The following USP47 variants were observed in gnomAD, a reference collection of about 807,000 sequenced individuals.
USP47 encodes ubiquitin specific peptidase 47.
USP47 carries 35 observed loss-of-function variants against 165.1 expected under a neutral mutation model. The observed-to-expected ratio is 0.21, with a 90% CI of 0.16 to 0.28. USP47 has a LOEUF of 0.28. Ranked by LOEUF, USP47 falls within the 10% of genes least tolerant of loss-of-function variation. The pLI, the probability that USP47 is intolerant of heterozygous loss-of-function variation, is 1.00. For missense variants in USP47, 1,277 were observed against 1,607.4 expected, an observed-to-expected ratio of 0.79 and a Z score of 3.52; for synonymous variants, 531 against 544.5, an observed-to-expected ratio of 0.98 and a Z score of 0.35.
chr11:11,870,386 T>C (rs1849959876), intron 1 of USP47, among the ~76,000 whole-genome samples: 1 of 152,230 alleles, frequency 6.6e-6, no homozygotes, highest in Non-Finnish European at 1.5e-5. Context: ...TGTCAAGTCT[T>C]TAATAAAAAC....
Position 11,956,182 on chromosome 11 carries a change from T to C in USP47, c.*7T>C. On this transcript the variant is annotated 3_prime_UTR_variant, in exon 28 of 28. Transcript: ENST00000527733. ...AGATCTGACTCAAGACTGACTCTGA[T>C]AGTGTAGCATTTTCCCTGGGGGAGT... 3.1e-6 allele frequency: 5 copies of C among 1,613,108 alleles called. No homozygotes were observed. Among genetic ancestry groups the C allele is most frequent in the Non-Finnish European group, 4.2e-6 (5 of 1,179,702 alleles).
At chr11:11,875,025 T>C (rs1850300558) in intron 1 of USP47, among the ~76,000 whole-genome samples, 2 of 144,576 alleles carry the variant, frequency 1.4e-5, no homozygotes, top group South Asian at 4.5e-4. Context: ...GGAGAGAAAA[T>C]TGACTTATTG....
At chr11:11,932,857 A>G (rs1011658244) in intron 14 of USP47, 147 bp from the exon 15 acceptor site, 1 of 606,240 alleles carries the variant, frequency 1.6e-6, no homozygotes, top group East Asian at 2.9e-5. Flanking sequence ...CGAAGCTTGT[A>G]TTCCAAGTTG....
intron 23 of USP47, 136 bp from the exon 24 acceptor site, chr11:11,950,228 C>T (rs1856126776): frequency 6.9e-6 from 5 of 724,178 alleles, no homozygotes; most frequent in Non-Finnish European, 8.7e-6. Flanking sequence ...TTCTTTATTT[C>T]CCCAGATTTT....
chr11:11,929,741 C>CTTTGT (rs1425039672), intron 12 of USP47, among the ~76,000 whole-genome samples, 176 bp downstream of exon 12: 1 of 152,022 alleles, frequency 6.6e-6, no homozygotes, highest in Non-Finnish European at 1.5e-5. Flanking sequence ...TTTATTATTT[C>CTTTGT]TTTGTTTTGC....
At chr11:11,874,526 T>C (rs911039132) in intron 1 of USP47, among the ~76,000 whole-genome samples, 1 of 152,132 alleles carries the variant, frequency 6.6e-6, no homozygotes, top group South Asian at 2.1e-4. Flanking sequence ...ATGTTACTTG[T>C]TAAAATAAAA....
chr11:11,843,641 A>G (rs1021406424), intron 1 of USP47, among the ~76,000 whole-genome samples: 2 of 152,230 alleles, frequency 1.3e-5, no homozygotes, highest in Non-Finnish European at 2.9e-5. Context: ...ATAAAAAACA[A>G]AATTCTTTCT....
At chr11:11,919,258 A>G (rs556934924) in intron 8 of USP47, among the ~76,000 whole-genome samples, 2 of 151,956 alleles carry the variant, frequency 1.3e-5, no homozygotes, top group African/African-American at 4.8e-5. Context: ...CTTGTCCTAT[A>G]TCAAAAGAAA....
rs188771355 is a variant in USP47, at chr11:11,911,994, T to A, written c.969+6446T>A. ...AATGATCCATGGGTCAAAGAGGAAG[T>A]CTCAAGGGAAATTTTAAAAATATTT... On this transcript the variant is annotated intron_variant, in intron 8 of 27. Transcript: ENST00000527733. Among the ~76,000 whole-genome samples the A allele has an allele frequency of 3.9e-5, 6 of 151,966 alleles. No individual in the cohort carries two copies. The East Asian group carries it at 9.7e-4, about 24-fold the overall frequency.
Position 11,848,836 on chromosome 11 carries a change from C to T in USP47, c.39+6612C>T, listed in dbSNP as rs190681076. 1.4e-3 allele frequency among the ~76,000 whole-genome samples: 216 copies of T among 152,272 alleles called. 2 individuals carry two copies. The highest frequency in any genetic ancestry group is 4.6e-3 in the African/African-American group (191 of 41,542). ...GTGTTAGCCAGGATGGTCTTGATCTCTTGACCTCGTGATACGCCTGCCTCG... is the reference window on the plus strand; with the variant it reads ...GTGTTAGCCAGGATGGTCTTGATCTTTTGACCTCGTGATACGCCTGCCTCG... On this transcript the variant is annotated intron_variant, in intron 1 of 27. Coordinates refer to ENST00000527733, the MANE Select transcript of USP47 (RefSeq NM_001282659.2).
At chr11:11,946,909 A>C (rs962286825) in intron 20 of USP47, among the ~76,000 whole-genome samples, 1 of 152,176 alleles carries the variant, frequency 6.6e-6, no homozygotes, top group African/African-American at 2.4e-5. Flanking sequence ...AATTTATTTG[A>C]CAAGTCATCT....
rs1342922053 is a variant in USP47 at position 11,933,061 on chromosome 11, G to C, written c.1709G>C (p.Arg570Thr). ...ATTAAAAACTTGGTGCAGAAAGAGA[G>C]AGAGTTGGAAGAACAAGAAAAGAGA... The part of the protein sequence containing the change: ...EHIKNLVQKE[R>T]ELEEQEKRQR... The change falls in exon 15 of 28, where the codon AGA becomes ACA. Residue 570 changes from arginine (R) to threonine (T), a missense_variant. Arg to Thr is a moderately conservative substitution (Grantham distance 71). Around this residue, in one of 4 missense-constraint regions of USP47, gnomAD observed 909 missense variants for 1,068.1 expected, o/e 0.85. Transcript: ENST00000527733. The C allele has an allele frequency of 1.9e-6, 3 of 1,613,324 alleles. No individual in the cohort carries two copies. Among genetic ancestry groups the C allele is most frequent in the Non-Finnish European group, 2.5e-6 (3 of 1,179,646 alleles).
At chr11:11,875,348 A>G (rs919545533) in intron 1 of USP47, among the ~76,000 whole-genome samples, 1 of 152,062 alleles carries the variant, frequency 6.6e-6, no homozygotes, top group African/African-American at 2.4e-5. Flanking sequence ...ACATAGGAGT[A>G]TTTTTTTGAA....
intron 11 of USP47, among the ~76,000 whole-genome samples, chr11:11,925,317 C>T (rs964118093): frequency 1.3e-5 from 2 of 152,034 alleles, no homozygotes; most frequent in Non-Finnish European, 2.9e-5. Flanking sequence ...ACCATGTTAG[C>T]CATGATGGTC....
At position 11,920,549 on chromosome 11, in the gene USP47, G is replaced by A. The variant is rs1853759781; in HGVS notation, c.1218+55G>A. ...CATTAATCCACATTAGTCAGTCATG[G>A]TTTTGAAAGAGCTGTTTGAGGTAAT... On this transcript the variant is annotated intron_variant, in intron 10 of 27. Transcript: ENST00000527733. The A allele has an allele frequency of 4.6e-6, 7 of 1,507,702 alleles. No individual in the cohort carries two copies. In the East Asian group the frequency reaches 1.4e-4, roughly 31 times the overall value. The allele number at this position is 1,507,702 out of a possible 1,614,324, so 93.4% of individuals were successfully genotyped here.
intron 2 of USP47, among the ~76,000 whole-genome samples, chr11:11,883,855 C>G (rs1368578852): frequency 2.0e-5 from 3 of 152,122 alleles, no homozygotes; most frequent in Non-Finnish European, 4.4e-5. Flanking sequence ...TTCCATACCC[C>G]CTGGGTCCTC....
At chr11:11,882,706 C>T (rs543887145) in intron 2 of USP47, among the ~76,000 whole-genome samples, 1 of 152,178 alleles carries the variant, frequency 6.6e-6, no homozygotes, top group East Asian at 1.9e-4. Flanking sequence ...TTCTCTTTGA[C>T]CTCCTATGCC....
intron 1 of USP47, among the ~76,000 whole-genome samples, chr11:11,844,217 T>A (rs929786417): frequency 6.6e-6 from 1 of 152,198 alleles, no homozygotes; most frequent in Admixed American, 6.5e-5. Context: ...CAGGATCTGA[T>A]AGTTTTTTTA....
intron 15 of USP47, 123 bp downstream of exon 15, chr11:11,933,239 G>C: frequency 1.3e-6 from 1 of 798,552 alleles, no homozygotes. Flanking sequence ...TCATTGAACA[G>C]TGTAACCAAC....
Sources: allele counts gnomAD v4.1 joint callset (sites outside exome capture counted in the v4.1 genomes callset), GRCh38; gene constraint gnomAD v4.1.1; regional missense constraint gnomAD v4.1.1; transcripts MANE v1.5; gene names NCBI Gene and HGNC (gene_info 2026-07-23, HGNC 2026-07-21).